Variants in MEGF11 observed in about 807,000 individuals in gnomAD.
MEGF11 encodes multiple EGF like domains 11.
A neutral mutation model predicts 146.6 loss-of-function variants in MEGF11; 126 were observed. The ratio of observed to expected loss-of-function variants is 0.86; its 90% CI spans 0.74 to 1.00. The LOEUF (loss-of-function observed/expected upper bound fraction) is 1.00, where lower values mean the gene tolerates loss of function less well. Ranked by LOEUF, MEGF11 falls within the 50% of genes least tolerant of loss-of-function variation. The pLI, the probability that MEGF11 is intolerant of heterozygous loss-of-function variation, is 0.00. For missense variants in MEGF11, 1,509 were observed against 1,521.2 expected (o/e 0.99, Z 0.13); for synonymous variants, 532 against 583.4 (o/e 0.91, Z 1.27).
chr15:66,157,270 C>T (rs371912344), intron 1 of MEGF11, among the ~76,000 whole-genome samples: 2 of 152,346 alleles, frequency 1.3e-5, no homozygotes. Context: ...GGGAGCCATT[C>T]CACCCATGCT....
rs555286763 is a variant in MEGF11, at chr15:65,976,034, A to G, written c.762+4744T>C. 3.0e-5 allele frequency among the ~76,000 whole-genome samples: 4 copies of G among 134,300 alleles called. No homozygotes were observed. In the Admixed American group the frequency reaches 3.6e-4, roughly 12 times the overall value. 88.1% of individuals were successfully genotyped at this position (134,300 alleles called of 152,430 possible). On this transcript the variant is annotated intron_variant, in intron 7 of 25. Coordinates refer to ENST00000395614, the MANE Select transcript of MEGF11 (RefSeq NM_001385028.1). ...CAATGAGCTGAAGTGTACCCCTTCA[A>G]CATTCCTTTTTTTTTTTTTTTTTTT... is the stretch of plus-strand genomic sequence containing the variant.
intron 1 of MEGF11, among the ~76,000 whole-genome samples, chr15:66,181,801 C>T (rs981803175): frequency 6.6e-6 from 1 of 152,138 alleles, no homozygotes; most frequent in African/African-American, 2.4e-5. Context: ...CGCTTATCAG[C>T]CCTGGTAATT....
chr15:66,183,383 C>T (rs749835216), intron 1 of MEGF11, among the ~76,000 whole-genome samples: 3 of 151,906 alleles, frequency 2.0e-5, no homozygotes, highest in Non-Finnish European at 2.9e-5. Context: ...GGCTGTAGTC[C>T]CAGCTATTCG....
At chr15:65,914,050 G>C (rs1037264622) in intron 19 of MEGF11, 77 bp from the exon 20 acceptor site, 6 of 1,090,396 alleles carry the variant, frequency 5.5e-6, no homozygotes, top group African/African-American at 1.5e-5. Flanking sequence ...GTTCAGATGC[G>C]TGTAACCCCT....
rs11330825 is a variant in MEGF11, at chr15:65,996,482, C to CT, written c.395-13995dup. Reference sequence around the variant, plus strand: ...AATAGCCCTGTTTATCTCTAGCACACTTTTTTTTTTTTTTTTAATCTCAGA... The same window carrying CT: ...AATAGCCCTGTTTATCTCTAGCACACTTTTTTTTTTTTTTTTTAATCTCAGA... On this transcript the variant is annotated intron_variant, in intron 5 of 25. Coordinates refer to ENST00000395614, the MANE Select transcript of MEGF11 (RefSeq NM_001385028.1). 4.1e-3 allele frequency among the ~76,000 whole-genome samples: 596 copies of CT among 145,780 alleles called. 5 individuals carry two copies. The highest frequency in any genetic ancestry group is 0.014 in the African/African-American group (554 of 39,410).
chr15:65,945,566 G>A (rs996714640), intron 10 of MEGF11, among the ~76,000 whole-genome samples: 5 of 152,126 alleles, frequency 3.3e-5, no homozygotes, highest in African/African-American at 7.2e-5. Context: ...GTAAAATGTC[G>A]GTGGCACCAT....
intron 1 of MEGF11, among the ~76,000 whole-genome samples, chr15:66,156,838 A>G (rs1322901855): frequency 6.6e-6 from 1 of 152,116 alleles, no homozygotes; most frequent in Non-Finnish European, 1.5e-5. Context: ...CTCTGTACTG[A>G]GAGAACAGAG....
At chr15:66,170,730 C>A (rs1278905820) in intron 1 of MEGF11, among the ~76,000 whole-genome samples, 1 of 152,156 alleles carries the variant, frequency 6.6e-6, no homozygotes, top group South Asian at 2.1e-4. Context: ...CCCCTTCCCC[C>A]ATTTGCTGTG....
chr15:66,052,327 C>T (rs1293642540), intron 5 of MEGF11, among the ~76,000 whole-genome samples: 1 of 152,158 alleles, frequency 6.6e-6, no homozygotes, highest in Non-Finnish European at 1.5e-5. Flanking sequence ...CCCAGCCGTC[C>T]TTGTTACTTC....
At chr15:66,194,663 G>T (rs1449919419) in intron 1 of MEGF11, among the ~76,000 whole-genome samples, 1 of 150,548 alleles carries the variant, frequency 6.6e-6, no homozygotes, top group African/African-American at 2.4e-5. Context: ...GGGGACTCAG[G>T]GAAGAAGGGG....
At chr15:65,901,529 T>G (rs2078494465) in intron 24 of MEGF11, among the ~76,000 whole-genome samples, 1 of 152,072 alleles carries the variant, frequency 6.6e-6, no homozygotes, top group African/African-American at 2.4e-5. Flanking sequence ...GTCTCTTAGT[T>G]GATACCAATC....
At chr15:66,001,995 T>C (rs1195847645) in intron 5 of MEGF11, among the ~76,000 whole-genome samples, 5 of 152,046 alleles carry the variant, frequency 3.3e-5, no homozygotes, top group African/African-American at 7.2e-5. Flanking sequence ...CAGTGCCTAA[T>C]TGGCAGCTAA....
chr15:66,061,381 G>C (rs950083635), intron 5 of MEGF11, among the ~76,000 whole-genome samples: 1 of 152,312 alleles, frequency 6.6e-6, no homozygotes, highest in South Asian at 2.1e-4. Context: ...GGGCTGGAAA[G>C]GCTTGACCCC....
chr15:66,054,100 C>T (rs575157283), intron 5 of MEGF11, among the ~76,000 whole-genome samples: 2 of 152,206 alleles, frequency 1.3e-5, no homozygotes, highest in South Asian at 4.1e-4. Flanking sequence ...GCATCCTTGC[C>T]CTCTTGGGTC....
At chr15:66,136,996 C>T (rs1184606333) in intron 1 of MEGF11, among the ~76,000 whole-genome samples, 1 of 152,098 alleles carries the variant, frequency 6.6e-6, no homozygotes, top group African/African-American at 2.4e-5. Context: ...GCATCCTCTC[C>T]AGCCTGGGTG....
chr15:66,228,588 GAA>G (rs1242620896), intron 1 of MEGF11, among the ~76,000 whole-genome samples: 2 of 152,056 alleles, frequency 1.3e-5, no homozygotes, highest in East Asian at 3.9e-4. Flanking sequence ...ACCCCAGAGA[GAA>G]GATGGCTCCC....
chr15:65,998,744 C>A (rs2082273799), intron 5 of MEGF11, among the ~76,000 whole-genome samples: 1 of 152,072 alleles, frequency 6.6e-6, no homozygotes, highest in Non-Finnish European at 1.5e-5. Flanking sequence ...GAGCTGATGG[C>A]CTCGTCAGTC....
At chr15:65,946,633 T>C (rs1307996732) in intron 10 of MEGF11, among the ~76,000 whole-genome samples, 1 of 152,192 alleles carries the variant, frequency 6.6e-6, no homozygotes, top group Non-Finnish European at 1.5e-5. Flanking sequence ...GCTCAGGTGA[T>C]CCACCCACTT....
chr15:65,905,773 A>G (rs946317650), intron 24 of MEGF11: 3 of 252,780 alleles, frequency 1.2e-5, no homozygotes, highest in African/African-American at 2.2e-5. Flanking sequence ...TTTATAATCA[A>G]TTTAACTCGT....
Sources: allele counts gnomAD v4.1 joint callset (sites outside exome capture counted in the v4.1 genomes callset), GRCh38; gene constraint gnomAD v4.1.1; transcripts MANE v1.5; gene names NCBI Gene and HGNC (gene_info 2026-07-23, HGNC 2026-07-21).